The following PSEN1 variants were observed in gnomAD, a reference collection of about 807,000 sequenced individuals.
PSEN1 encodes the protein presenilin 1.
PSEN1 carries 15 observed loss-of-function variants against 53.5 expected under a neutral mutation model. That is an observed-to-expected ratio of 0.28 (90% CI 0.19 to 0.43). The LOEUF (loss-of-function observed/expected upper bound fraction) is 0.43. Ranked by LOEUF, PSEN1 falls within the 20% of genes least tolerant of loss-of-function variation. The pLI is 1.00. For synonymous variants in PSEN1, 208 were observed against 209.8 expected, an observed-to-expected ratio of 0.99 and a Z score of 0.08; for missense variants, 387 against 571.2, an observed-to-expected ratio of 0.68 and a Z score of 3.29.
chr14:73,204,267 G>A (rs1247039903), intron 8 of PSEN1, among the ~76,000 whole-genome samples: 2 of 150,288 alleles, frequency 1.3e-5, no homozygotes, highest in African/African-American at 4.9e-5. Context: ...CAAAGTGCTG[G>A]GATTACAGGT....
intron 5 of PSEN1, among the ~76,000 whole-genome samples, chr14:73,179,687 G>A (rs1393376771): frequency 1.3e-5 from 2 of 152,160 alleles, no homozygotes; most frequent in Non-Finnish European, 2.9e-5. Context: ...TGATCCTCAA[G>A]CCAGAACTAG....
chr14:73,191,077 A>G (rs1193160811), intron 6 of PSEN1, among the ~76,000 whole-genome samples: 1 of 152,212 alleles, frequency 6.6e-6, no homozygotes. Context: ...TTGTTGTTAG[A>G]TGGTGGATTT....
rs958614437 is a variant in PSEN1, at chr14:73,221,299, T to C, written c.*2010T>C. On this transcript the variant is annotated 3_prime_UTR_variant, in exon 12 of 12. Coordinates refer to ENST00000324501, the MANE Select transcript of PSEN1 (RefSeq NM_000021.4). Reference sequence around the variant, plus strand: ...ACATGTGCTAGCATGGGTATTATCATTGAGAAAGCACAGCTACAGCAAAGC... The same window carrying C: ...ACATGTGCTAGCATGGGTATTATCACTGAGAAAGCACAGCTACAGCAAAGC... 5.9e-5 allele frequency: 9 copies of C among 152,180 alleles called. No individual in the cohort carries two copies. Among genetic ancestry groups the C allele is most frequent in the Admixed American group, 1.3e-4 (2 of 15,272 alleles). The allele number at this position is 152,180 out of a possible 1,614,324, so 9.4% of individuals were successfully genotyped here.
intron 5 of PSEN1, among the ~76,000 whole-genome samples, chr14:73,184,644 G>C: frequency 6.8e-6 from 1 of 146,704 alleles, no homozygotes; most frequent in African/African-American, 2.5e-5. Flanking sequence ...CGGGCGGGGG[G>C]CTGACCCCCC....
Position 73,221,428 on chromosome 14 carries a change from AT to A in PSEN1, c.*2142del, listed in dbSNP as rs1900115814. 1 of 152,150 alleles carries A rather than the reference AT, an allele frequency of 6.6e-6. No homozygotes were observed. Among genetic ancestry groups the A allele is most frequent in the African/African-American group, 2.4e-5 (1 of 41,420 alleles). 9.4% of individuals were successfully genotyped at this position (152,150 alleles called of 1,614,324 possible). On this transcript the variant is annotated 3_prime_UTR_variant, in exon 12 of 12. Coordinates refer to ENST00000324501, the MANE Select transcript of PSEN1 (RefSeq NM_000021.4). ...AAATGTGTTGCACCTTTCATGATAC[AT>A]TTCTTCTCTGAAGAGGGTACGTGGG...
intron 2 of PSEN1, 34 bp downstream of exon 2, chr14:73,147,910 T>C: frequency 1.2e-6 from 1 of 839,344 alleles, no homozygotes; most frequent in Non-Finnish European, 2.0e-6. Flanking sequence ...TATGAAAGTG[T>C]TTTTTATAAC....
At chr14:73,161,908 A>C (rs1407300181) in intron 3 of PSEN1, among the ~76,000 whole-genome samples, 4 of 150,790 alleles carry the variant, frequency 2.7e-5, no homozygotes, top group African/African-American at 9.8e-5. Context: ...TAATCCCAGC[A>C]CTTTGGGAGG....
chr14:73,159,952 A>T (rs1231782455), intron 3 of PSEN1: 1 of 165,280 alleles, frequency 6.1e-6, no homozygotes, highest in Non-Finnish European at 1.4e-5. Flanking sequence ...CCTCCTGAGT[A>T]ACTGGAACTA....
Position 73,198,132 on chromosome 14 carries a change from A to G in PSEN1, c.868+3A>G. On this transcript the variant is annotated splice_donor_region_variant and intron_variant, in intron 8 of 11. Transcript: ENST00000324501. ...TTTTCCAGCTCTCATTTACTCCTGTAAGTATTTGAGAAGGATATTGAATTA... is the reference window on the plus strand; with the variant it reads ...TTTTCCAGCTCTCATTTACTCCTGTGAGTATTTGAGAAGGATATTGAATTA... 3.9e-6 allele frequency: 6 copies of G among 1,556,548 alleles called. No individual in the cohort carries two copies. Among genetic ancestry groups the G allele is most frequent in the Non-Finnish European group, 5.3e-6 (6 of 1,128,610 alleles).
intron 3 of PSEN1, among the ~76,000 whole-genome samples, chr14:73,152,961 T>G (rs1594971769): frequency 6.6e-6 from 1 of 152,162 alleles, no homozygotes; most frequent in South Asian, 2.1e-4. Flanking sequence ...GAGGATTGGT[T>G]TCAAGGTTCA....
At chr14:73,205,405 G>A (rs1899414041) in intron 8 of PSEN1, among the ~76,000 whole-genome samples, 4 of 151,100 alleles carry the variant, frequency 2.6e-5, no homozygotes, top group Admixed American at 2.6e-4. Flanking sequence ...CGTGAACCCA[G>A]GAGACGGAGC....
At chr14:73,202,272 T>C (rs916207331) in intron 8 of PSEN1, among the ~76,000 whole-genome samples, 1 of 149,752 alleles carries the variant, frequency 6.7e-6, no homozygotes, top group Non-Finnish European at 1.5e-5. Context: ...TACATTCTAC[T>C]CAAAGTGAGT....
At chr14:73,209,536 G>A (rs1200676561) in intron 9 of PSEN1, among the ~76,000 whole-genome samples, 1 of 152,192 alleles carries the variant, frequency 6.6e-6, no homozygotes. Flanking sequence ...TATGTGCTAG[G>A]CCCTGGGGAT....
chr14:73,218,504 A>G (rs1452590733), intron 11 of PSEN1, among the ~76,000 whole-genome samples: 1 of 152,188 alleles, frequency 6.6e-6, no homozygotes, highest in East Asian at 1.9e-4. Flanking sequence ...GTAAAAAATG[A>G]ACTCTATTAT....
intron 1 of PSEN1, chr14:73,146,184 CTTTTTTTTTT>C (rs548565070): frequency 8.0e-6 from 1 of 124,758 alleles, no homozygotes; most frequent in Non-Finnish European, 1.7e-5. Context: ...TTTAAAAAAT[CTTTTTTTTTT>C]TTTTTTTTTT....
At chr14:73,212,003 C>T (rs1015576054) in intron 10 of PSEN1, 61 bp downstream of exon 10, 8 of 1,369,162 alleles carry the variant, frequency 5.8e-6, no homozygotes, top group Non-Finnish European at 8.0e-6. Flanking sequence ...CATTATCAAC[C>T]TTTTTGAGAA....
intron 8 of PSEN1, among the ~76,000 whole-genome samples, chr14:73,199,488 G>A (rs544174377): frequency 6.6e-6 from 1 of 152,314 alleles, no homozygotes; most frequent in East Asian, 1.9e-4. Context: ...GTTCTCTTAC[G>A]TAGATATTCA....
intron 3 of PSEN1, chr14:73,168,427 A>T: frequency 6.6e-6 from 1 of 152,110 alleles, no homozygotes; most frequent in East Asian, 1.9e-4. Context: ...CGTCAGGGAT[A>T]TAAATGGCTG....
At chr14:73,218,991 G>A in intron 11 of PSEN1, 143 bp from the exon 12 acceptor site, 3 of 881,710 alleles carry the variant, frequency 3.4e-6, no homozygotes, top group Non-Finnish European at 5.6e-6. Flanking sequence ...CTTCCAGATT[G>A]AATGAACGTC....
Sources: gnomAD v4.1 joint callset for allele counts (sites outside exome capture counted in the v4.1 genomes callset) on GRCh38, gnomAD v4.1.1 for gene constraint, MANE v1.5 for transcripts, NCBI Gene and HGNC (gene_info 2026-07-23, HGNC 2026-07-21) for gene names.